The following SSBP2 variants were observed in gnomAD, a reference collection of about 807,000 sequenced individuals.
The protein encoded by SSBP2 is single stranded DNA binding protein 2, also known as single-stranded DNA-binding protein 2.
SSBP2 carries 17 observed loss-of-function variants against 61.8 expected under a neutral mutation model. That is an observed-to-expected ratio of 0.28 (90% CI 0.19 to 0.41). The LOEUF is 0.41. Ranked by LOEUF, SSBP2 falls within the 10% of genes least tolerant of loss-of-function variation. The pLI is 1.00. For missense variants in SSBP2, 310 were observed against 458.7 expected (o/e 0.68, Z 2.96); for synonymous variants, 139 against 141.3 (o/e 0.98, Z 0.12).
chr5:81,502,458 C>G (rs769585307), intron 5 of SSBP2, among the ~76,000 whole-genome samples: 2 of 152,136 alleles, frequency 1.3e-5, no homozygotes, highest in Non-Finnish European at 2.9e-5. Flanking sequence ...TGCTCACTAT[C>G]TTGTTGATGT....
chr5:81,709,075 CAA>C (rs1754597392), intron 1 of SSBP2, among the ~76,000 whole-genome samples: 1 of 151,908 alleles, frequency 6.6e-6, no homozygotes, highest in Non-Finnish European at 1.5e-5. Flanking sequence ...TGAAAAGACT[CAA>C]AAAGTCTTTA....
At chr5:81,590,640 C>T (rs1226626656) in intron 4 of SSBP2, among the ~76,000 whole-genome samples, 1 of 152,196 alleles carries the variant, frequency 6.6e-6, no homozygotes, top group African/African-American at 2.4e-5. Context: ...AAGGTGCTCA[C>T]AAGAAAAACT....
intron 9 of SSBP2, among the ~76,000 whole-genome samples, chr5:81,465,926 C>T (rs1239841601): frequency 6.6e-6 from 1 of 151,928 alleles, no homozygotes; most frequent in Non-Finnish European, 1.5e-5. Flanking sequence ...CTAGCTGGTA[C>T]CCACCTATTA....
intron 1 of SSBP2, among the ~76,000 whole-genome samples, chr5:81,682,363 T>G (rs1752449921): frequency 6.6e-6 from 1 of 152,176 alleles, no homozygotes; most frequent in African/African-American, 2.4e-5. Context: ...ATTCCAGGTA[T>G]GCAAAGCTGG....
intron 4 of SSBP2, among the ~76,000 whole-genome samples, chr5:81,566,931 T>C (rs1341636470): frequency 6.6e-6 from 1 of 152,162 alleles, no homozygotes; most frequent in Non-Finnish European, 1.5e-5. Context: ...AGAGATGATT[T>C]AGTGTATCTG....
At chr5:81,751,442 C>A (rs1010655437), upstream of SSBP2, among the ~76,000 whole-genome samples, 3 of 152,242 alleles carry the variant, frequency 2.0e-5, no homozygotes, top group African/African-American at 7.2e-5. Context: ...CCACCCCTCC[C>A]CCCGCGCCGC....
chr5:81,632,819 G>A (rs1192833524), intron 3 of SSBP2, among the ~76,000 whole-genome samples: 3 of 152,040 alleles, frequency 2.0e-5, no homozygotes, highest in Non-Finnish European at 2.9e-5. Context: ...TCTCATCATA[G>A]ATGAACCATT....
intron 4 of SSBP2, among the ~76,000 whole-genome samples, chr5:81,583,486 T>C (rs570352508): frequency 6.6e-5 from 10 of 151,932 alleles, no homozygotes; most frequent in East Asian, 5.8e-4. Context: ...AAAAATTAGC[T>C]GGGCATGGTG....
At chr5:81,526,289 A>G (rs1314213384) in intron 4 of SSBP2, among the ~76,000 whole-genome samples, 1 of 152,060 alleles carries the variant, frequency 6.6e-6, no homozygotes, top group African/African-American at 2.4e-5. Context: ...ACATATTTCA[A>G]AAACTTCTTA....
chr5:81,534,397 G>A (rs985901785), intron 4 of SSBP2, among the ~76,000 whole-genome samples: 1 of 152,072 alleles, frequency 6.6e-6, no homozygotes, highest in Non-Finnish European at 1.5e-5. Context: ...ATAAGGGAGC[G>A]ATGTTGGAAT....
At chr5:81,515,121 T>G (rs1487907902) in intron 4 of SSBP2, among the ~76,000 whole-genome samples, 1 of 152,038 alleles carries the variant, frequency 6.6e-6, no homozygotes, top group Non-Finnish European at 1.5e-5. Context: ...AAATTGCTTT[T>G]TTTCATTTTA....
intron 1 of SSBP2, among the ~76,000 whole-genome samples, chr5:81,656,804 A>G (rs1030010219): frequency 6.6e-6 from 1 of 152,222 alleles, no homozygotes; most frequent in East Asian, 1.9e-4. Context: ...AAAACTTTAA[A>G]AACATTAAAG....
intron 3 of SSBP2, among the ~76,000 whole-genome samples, chr5:81,631,941 T>C (rs1313601659): frequency 6.6e-6 from 1 of 152,124 alleles, no homozygotes; most frequent in Non-Finnish European, 1.5e-5. Flanking sequence ...TGTTTTCCTT[T>C]CTCCTTGCCT....
intron 4 of SSBP2, among the ~76,000 whole-genome samples, chr5:81,609,503 G>A (rs1745230387): frequency 6.6e-6 from 1 of 152,126 alleles, no homozygotes; most frequent in Non-Finnish European, 1.5e-5. Flanking sequence ...AACCCCTAAA[G>A]GGAGAAATTT....
chr5:81,501,331 TAAATACATATACAC>T (rs974972080), intron 5 of SSBP2, among the ~76,000 whole-genome samples: 5 of 140,022 alleles, frequency 3.6e-5, no homozygotes, highest in Non-Finnish European at 7.7e-5. Flanking sequence ...ATATGCATCT[TAAATACATATACAC>T]AATGGCTGAT....
At chr5:81,467,099 AG>A (rs1347039456) in intron 8 of SSBP2, 34 bp from the exon 9 acceptor site, 25 of 1,438,372 alleles carry the variant, frequency 1.7e-5, no homozygotes, top group Non-Finnish European at 2.3e-5. Context: ...ACCAAAGAGG[AG>A]GGGGGAAAGA....
chr5:81,585,543 T>TTGTG (rs1386620053), intron 4 of SSBP2, among the ~76,000 whole-genome samples: 1 of 150,606 alleles, frequency 6.6e-6, no homozygotes, highest in African/African-American at 2.5e-5. Flanking sequence ...TTGACAAAAA[T>TTGTG]TGTGTGTGTG....
At chr5:81,582,433 G>GTA (rs1774728924) in intron 4 of SSBP2, among the ~76,000 whole-genome samples, 1 of 152,022 alleles carries the variant, frequency 6.6e-6, no homozygotes, top group Admixed American at 6.5e-5. Context: ...TAATGCATAT[G>GTA]TACTCAATTT....
chr5:81,590,359 C>A (rs1471319916), intron 4 of SSBP2, among the ~76,000 whole-genome samples: 2 of 152,160 alleles, frequency 1.3e-5, no homozygotes, highest in African/African-American at 4.8e-5. Context: ...AGGCTGGAAA[C>A]AGCATCACCC....
Sources: gnomAD v4.1 joint callset for allele counts (sites outside exome capture counted in the v4.1 genomes callset) on GRCh38, gnomAD v4.1.1 for gene constraint, MANE v1.5 for transcripts, NCBI Gene and HGNC (gene_info 2026-07-23, HGNC 2026-07-21) for gene names.